Variants in C4orf36 observed in about 807,000 individuals in gnomAD.
C4orf36 encodes the protein uncharacterized protein C4orf36.
C4orf36 carries 11 observed loss-of-function variants against 12.2 expected under a neutral mutation model. The observed-to-expected ratio is 0.90, with a 90% CI of 0.57 to 1.49. C4orf36 has a LOEUF of 1.49. C4orf36 is among the 40% of genes most tolerant of loss of function. C4orf36 has a pLI of 0.00. For missense variants in C4orf36, 137 were observed against 133.9 expected (o/e 1.02, Z -0.11); for synonymous variants, 54 against 51.3 (o/e 1.05, Z -0.22).
At chr4:86,893,300 A>C (rs1370790364), upstream of C4orf36, among the ~76,000 whole-genome samples, 1 of 152,172 alleles carries the variant, frequency 6.6e-6, no homozygotes, top group Non-Finnish European at 1.5e-5. Context: ...GGCACGGTGG[A>C]TGGGCCGGGC....
chr4:86,884,299 A>ATTT (rs150771483), intron 4 of C4orf36, among the ~76,000 whole-genome samples: 1 of 49,588 alleles, frequency 2.0e-5, no homozygotes, highest in African/African-American at 7.6e-5. Flanking sequence ...AAAAGACTGA[A>ATTT]TTTTTTTTTT....
intron 4 of C4orf36, 106 bp downstream of exon 4, chr4:86,887,652 A>T: frequency 3.1e-6 from 4 of 1,307,450 alleles, no homozygotes; most frequent in Non-Finnish European, 4.2e-6. Flanking sequence ...CCCATCCACC[A>T]GTGGGCATTC....
chr4:86,885,178 C>T (rs940319839), intron 4 of C4orf36, among the ~76,000 whole-genome samples: 5 of 152,052 alleles, frequency 3.3e-5, no homozygotes, highest in African/African-American at 7.2e-5. Context: ...CTTGGCAATG[C>T]GGGCTCTTTT....
the C4orf36 span, chr4:86,914,390 CCT>C: frequency 7.2e-6 from 4 of 557,370 alleles, no homozygotes; most frequent in South Asian, 2.0e-5. Flanking sequence ...TCTTCTTCTT[CCT>C]TTTTTTTTTT....
the C4orf36 span, among the ~76,000 whole-genome samples, chr4:86,928,070 G>A: frequency 0.17 from 26,497 of 152,224 alleles, 2,395 homozygotes; most frequent in South Asian, 0.21. Flanking sequence ...ACTGTGTGAC[G>A]TTAGGCAGTT....
the C4orf36 span, among the ~76,000 whole-genome samples, chr4:86,919,971 A>G: frequency 4.6e-5 from 7 of 152,156 alleles, no homozygotes; most frequent in Non-Finnish European, 8.8e-5. Flanking sequence ...TGAGGCTGCA[A>G]TGAGCTATGA....
upstream of C4orf36, among the ~76,000 whole-genome samples, chr4:86,895,767 T>G (rs1333611283): frequency 3.9e-5 from 6 of 152,250 alleles, no homozygotes; most frequent in African/African-American, 1.2e-4. Context: ...CTATCTCTAT[T>G]GATGTCTCTA....
chr4:86,894,506 A>T (rs79690161), upstream of C4orf36, among the ~76,000 whole-genome samples: 5,472 of 152,230 alleles, frequency 0.036, 316 homozygotes, highest in African/African-American at 0.13. Flanking sequence ...GAAGTTCCTC[A>T]TGGTTCCATG....
At chr4:86,923,182 C>T in the C4orf36 span, among the ~76,000 whole-genome samples, 6 of 151,826 alleles carry the variant, frequency 4.0e-5, no homozygotes, top group Admixed American at 1.3e-4. Context: ...GCCTCAACCT[C>T]CTAGGTTCAA....
At chr4:86,906,723 G>A in the C4orf36 span, among the ~76,000 whole-genome samples, 149 of 87,490 alleles carry the variant, frequency 1.7e-3, no homozygotes, top group Admixed American at 4.5e-3. Context: ...ACAGCAAGAC[G>A]GTCTCAAAAA....
In C4orf36 at chr4:86,892,357, C is replaced by T. The variant is rs1035577479; in HGVS notation, c.-248G>A. ...GCGCTGCGCTAAGCGCACATGGCCG[C>T]GCACACGCCTCGGGGCCGCGCCGCA... On this transcript the variant is annotated 5_prime_UTR_variant, in exon 1 of 5. Transcript: ENST00000295898. The T allele has an allele frequency of 1.1e-4, 110 of 985,488 alleles. No individual in the cohort carries two copies. The Middle Eastern group carries it at 2.1e-3, about 19-fold the overall frequency. The allele number at this position is 985,488 out of a possible 1,614,324, so 61.0% of individuals were successfully genotyped here.
At chr4:86,921,338 C>A in the C4orf36 span, among the ~76,000 whole-genome samples, 3 of 151,996 alleles carry the variant, frequency 2.0e-5, no homozygotes, top group Non-Finnish European at 2.9e-5. Context: ...CACTAAGACA[C>A]CTGACCAGCT....
At chr4:86,902,621 T>C in the C4orf36 span, among the ~76,000 whole-genome samples, 1 of 151,998 alleles carries the variant, frequency 6.6e-6, no homozygotes, top group Non-Finnish European at 1.5e-5. Context: ...CCACCTGCCT[T>C]TACCTTAGCT....
the C4orf36 span, among the ~76,000 whole-genome samples, chr4:86,915,613 C>T: frequency 2.0e-5 from 3 of 152,080 alleles, no homozygotes; most frequent in Non-Finnish European, 4.4e-5. Context: ...GAGAAAGAAA[C>T]CCCATCTCTA....
chr4:86,927,108 CTAGAAGA>C, the C4orf36 span, among the ~76,000 whole-genome samples: 3 of 152,220 alleles, frequency 2.0e-5, no homozygotes, highest in African/African-American at 7.2e-5. Flanking sequence ...CACCCCCATT[CTAGAAGA>C]TAGGAGTCAT....
At chr4:86,907,803 C>G in the C4orf36 span, among the ~76,000 whole-genome samples, 5 of 151,588 alleles carry the variant, frequency 3.3e-5, no homozygotes, top group African/African-American at 1.2e-4. Flanking sequence ...CCCCATCTAT[C>G]CTAAAAATAC....
the C4orf36 span, among the ~76,000 whole-genome samples, chr4:86,915,568 G>A: frequency 6.6e-6 from 1 of 152,180 alleles, no homozygotes; most frequent in Non-Finnish European, 1.5e-5. Flanking sequence ...TGGATCACCT[G>A]AGGTTGGGAG....
At chr4:86,901,132 A>G in the C4orf36 span, among the ~76,000 whole-genome samples, 1 of 150,730 alleles carries the variant, frequency 6.6e-6, no homozygotes, top group East Asian at 2.0e-4. Flanking sequence ...TTACAGGCAC[A>G]TGCCACCACA....
At chr4:86,896,965 G>A (rs1653595329), upstream of C4orf36, among the ~76,000 whole-genome samples, 1 of 152,118 alleles carries the variant, frequency 6.6e-6, no homozygotes, top group African/African-American at 2.4e-5. Flanking sequence ...CTCCATGCTA[G>A]CCATCATTCT....
Sources: gnomAD v4.1 joint callset for allele counts (sites outside exome capture counted in the v4.1 genomes callset) on GRCh38, gnomAD v4.1.1 for gene constraint, MANE v1.5 for transcripts, NCBI Gene and HGNC (gene_info 2026-07-23, HGNC 2026-07-21) for gene names.